The following TMCC1 variants were observed in gnomAD, a reference collection of about 807,000 sequenced individuals.
The protein encoded by TMCC1 is transmembrane and coiled-coil domain family 1, also known as transmembrane and coiled-coil domains protein 1.
Under a neutral mutation model 52.4 loss-of-function variants are expected in TMCC1, and 15 were observed. That is an observed-to-expected ratio of 0.29 (90% CI 0.19 to 0.44). The LOEUF is 0.44. Among genes scored for constraint, TMCC1 ranks in the 20% least tolerant of loss-of-function variants. TMCC1 has a pLI of 1.00. For synonymous variants in TMCC1, 279 were observed against 301.9 expected (o/e 0.92, Z 0.79); for missense variants, 503 against 806.0 (o/e 0.62, Z 4.55).
chr3:129,711,193 CATGA>C (rs1454847183), intron 4 of TMCC1, among the ~76,000 whole-genome samples: 1 of 152,166 alleles, frequency 6.6e-6, no homozygotes, highest in African/African-American at 2.4e-5. Context: ...TGCTTAGTTT[CATGA>C]ATGCAGACTG....
At chr3:129,723,557 G>C (rs1005585016) in intron 4 of TMCC1, among the ~76,000 whole-genome samples, 5 of 139,896 alleles carry the variant, frequency 3.6e-5, no homozygotes, top group Admixed American at 3.5e-4. Context: ...TGATTTTCCA[G>C]TAACTATTTC....
chr3:129,753,682 T>C (rs546692754), intron 4 of TMCC1, among the ~76,000 whole-genome samples: 3 of 152,254 alleles, frequency 2.0e-5, no homozygotes, highest in Admixed American at 1.3e-4. Context: ...AAAGTAAGAA[T>C]AGAAGGAAAC....
At chr3:129,739,661 A>G (rs754932512) in intron 4 of TMCC1, among the ~76,000 whole-genome samples, 1 of 152,158 alleles carries the variant, frequency 6.6e-6, no homozygotes, top group Non-Finnish European at 1.5e-5. Context: ...TAAGTATCTA[A>G]TCTCCATTTT....
chr3:129,853,635 CA>C (rs150947206), intron 2 of TMCC1, among the ~76,000 whole-genome samples: 2,710 of 112,778 alleles, frequency 0.024, 31 homozygotes, highest in African/African-American at 0.044. Context: ...CACCCCACCT[CA>C]AAAAAAAAAA....
chr3:129,817,107 T>C (rs374425864), intron 4 of TMCC1, among the ~76,000 whole-genome samples: 1 of 152,108 alleles, frequency 6.6e-6, no homozygotes, highest in Admixed American at 6.6e-5. Context: ...TTATGAGTTA[T>C]ATAAATGTAT....
chr3:129,883,298 C>G (rs1481264148), intron 1 of TMCC1, among the ~76,000 whole-genome samples: 1 of 150,040 alleles, frequency 6.7e-6, no homozygotes, highest in Non-Finnish European at 1.5e-5. Context: ...GGTGACAGAG[C>G]GAGACAATCA....
intron 4 of TMCC1, chr3:129,688,439 G>A (rs891242206): frequency 8.1e-6 from 8 of 985,372 alleles, no homozygotes; most frequent in African/African-American, 5.2e-5. Flanking sequence ...CCAAAGAGCC[G>A]CAGTGAAGCT....
chr3:129,670,816 C>A lies in TMCC1; in HGVS notation c.1025G>T (p.Gly342Val). 6.2e-7 allele frequency: 1 copy of A among 1,614,182 alleles called. No homozygotes were observed. Among genetic ancestry groups the A allele is most frequent in the South Asian group, 1.1e-5 (1 of 91,086 alleles). The change falls in exon 5 of 7, where the codon GGT becomes GTT. Residue 342 changes from glycine (G) to valine (V), a missense_variant. By Grantham distance (109) the Gly-to-Val change is moderately radical (BLOSUM62 -3). This residue lies in a region of TMCC1 where 73 missense variants were observed against 182.9 expected (regional missense o/e 0.40). Coordinates refer to ENST00000393238, the MANE Select transcript of TMCC1 (RefSeq NM_001017395.5). ...VGAKVTGFSE[G>V]VVDSVKGGFS... Reference sequence around the variant, plus strand: ...CCCACCTTTGACACTATCCACCACACCTTCACTGAAGCCAGTCACCTTTGC... The same window carrying A: ...CCCACCTTTGACACTATCCACCACAACTTCACTGAAGCCAGTCACCTTTGC...
At chr3:129,862,425 G>C (rs1235786739) in intron 2 of TMCC1, among the ~76,000 whole-genome samples, 2 of 152,124 alleles carry the variant, frequency 1.3e-5, no homozygotes, top group African/African-American at 2.4e-5. Flanking sequence ...ATGGGTGCAT[G>C]ACATACAGAT....
rs543005998 is a variant in TMCC1, at chr3:129,711,681, C to T, written c.577-40417G>A. Among the ~76,000 whole-genome samples, 3 of 151,608 alleles carry T rather than the reference C, an allele frequency of 2.0e-5. No individual in the cohort carries two copies. In the South Asian group the frequency reaches 6.2e-4, roughly 32 times the overall value. On this transcript the variant is annotated intron_variant, in intron 4 of 6. Transcript: ENST00000393238. ...CCAACATGATGAAACCCTAACTCTA[C>T]TAATAAGATAATAATAATAAAAAAT...
chr3:129,759,871 GC>G (rs2053377574), intron 4 of TMCC1, among the ~76,000 whole-genome samples: 2 of 150,558 alleles, frequency 1.3e-5, no homozygotes, highest in Non-Finnish European at 3.0e-5. Context: ...ATAGGCGCCC[GC>G]CACCACGCCC....
At chr3:129,659,670 C>T (rs1056543550) in intron 5 of TMCC1, among the ~76,000 whole-genome samples, 2 of 152,174 alleles carry the variant, frequency 1.3e-5, no homozygotes, top group Non-Finnish European at 2.9e-5. Context: ...AAGAAGGTTG[C>T]AAACCTGTCA....
At chr3:129,823,270 G>T (rs1008643827) in intron 4 of TMCC1, among the ~76,000 whole-genome samples, 1 of 152,092 alleles carries the variant, frequency 6.6e-6, no homozygotes, top group East Asian at 1.9e-4. Flanking sequence ...AGGTTGAAGT[G>T]AGCCGAGATC....
intron 4 of TMCC1, among the ~76,000 whole-genome samples, chr3:129,765,787 A>G (rs2054076126): frequency 6.6e-6 from 1 of 152,086 alleles, no homozygotes; most frequent in Admixed American, 6.6e-5. Flanking sequence ...GTATCCAACT[A>G]ATTATCCTAA....
chr3:129,709,462 C>T (rs890838722), intron 4 of TMCC1, among the ~76,000 whole-genome samples: 1 of 101,482 alleles, frequency 9.9e-6, no homozygotes, highest in Non-Finnish European at 1.7e-5. Context: ...AGCGACAGAG[C>T]GAGACTTGCC....
chr3:129,826,806 G>A (rs770714342), intron 4 of TMCC1, among the ~76,000 whole-genome samples: 3 of 151,624 alleles, frequency 2.0e-5, no homozygotes, highest in Non-Finnish European at 4.4e-5. Context: ...TAACTGTACC[G>A]CAAGCAGACA....
intron 4 of TMCC1, among the ~76,000 whole-genome samples, chr3:129,716,411 T>C (rs1423426212): frequency 2.0e-5 from 3 of 147,202 alleles, no homozygotes. Flanking sequence ...CTCAGCTCAC[T>C]GCAAGCTCTG....
intron 5 of TMCC1, among the ~76,000 whole-genome samples, chr3:129,657,366 C>A (rs1418181912): frequency 2.6e-5 from 4 of 152,178 alleles, no homozygotes; most frequent in Admixed American, 6.6e-5. Context: ...GCCTACTATG[C>A]AAATTCATTT....
rs1488977075 is a variant in TMCC1 at position 129,649,380 on chromosome 3, T to C, written c.*2101A>G. On this transcript the variant is annotated 3_prime_UTR_variant, in exon 7 of 7. Transcript: ENST00000393238. ...AGTTAACATTTTAATACATATAGGC[T>C]TGGGGACAATTTGTTTTTGGCATGA... 6.6e-6 allele frequency: 1 copy of C among 152,222 alleles called. No individual in the cohort carries two copies. The highest frequency in any genetic ancestry group is 1.5e-5 in the Non-Finnish European group (1 of 68,034). 9.4% of individuals were successfully genotyped at this position (152,222 alleles called of 1,614,324 possible).
Sources: allele counts gnomAD v4.1 joint callset (sites outside exome capture counted in the v4.1 genomes callset), GRCh38; gene constraint gnomAD v4.1.1; regional missense constraint gnomAD v4.1.1; transcripts MANE v1.5; gene names NCBI Gene and HGNC (gene_info 2026-07-23, HGNC 2026-07-21).